The following ZRANB3 variants were observed in gnomAD, a reference collection of about 807,000 sequenced individuals.
ZRANB3 encodes zinc finger RANBP2-type containing 3, also known as DNA annealing helicase and endonuclease ZRANB3.
ZRANB3 carries 125 observed loss-of-function variants against 133.8 expected under a neutral mutation model. The observed-to-expected ratio is 0.93, with a 90% CI of 0.81 to 1.08. The LOEUF is 1.08. Among genes scored for constraint, ZRANB3 ranks in the 50% least tolerant of loss-of-function variants. The probability of loss-of-function intolerance (pLI) is 0.00; values close to 1 mark genes in which losing one functional copy is unlikely to be tolerated. For synonymous variants in ZRANB3, 387 were observed against 432.7 expected, an observed-to-expected ratio of 0.89 and a Z score of 1.31; for missense variants, 1,229 against 1,275.5, an observed-to-expected ratio of 0.96 and a Z score of 0.56.
intron 17 of ZRANB3, 87 bp downstream of exon 17, chr2:135,217,378 G>T: frequency 7.9e-7 from 1 of 1,266,148 alleles, no homozygotes; most frequent in Non-Finnish European, 1.1e-6. Flanking sequence ...GATTTCATTA[G>T]TGGTTCCAAA....
At chr2:135,418,923 C>CTTTTTTTTTTTTTT (rs1558986938) in intron 2 of ZRANB3, among the ~76,000 whole-genome samples, 1 of 114,326 alleles carries the variant, frequency 8.7e-6, no homozygotes, top group African/African-American at 3.6e-5. Flanking sequence ...TAAGGATTCT[C>CTTTTTTTTTTTTTT]TCTTTTTTTT....
At chr2:135,452,043 G>T (rs1300066645) in intron 2 of ZRANB3, among the ~76,000 whole-genome samples, 1 of 152,150 alleles carries the variant, frequency 6.6e-6, no homozygotes, top group Non-Finnish European at 1.5e-5. Flanking sequence ...CTGTATTCAT[G>T]CTGCTGATAA....
chr2:135,380,593 T>A (rs904155474), intron 3 of ZRANB3, among the ~76,000 whole-genome samples: 1 of 152,064 alleles, frequency 6.6e-6, no homozygotes, highest in African/African-American at 2.4e-5. Flanking sequence ...AAGGCAGAAA[T>A]AAAGATGTTA....
chr2:135,461,189 C>T (rs922586115), intron 2 of ZRANB3, among the ~76,000 whole-genome samples: 12 of 152,186 alleles, frequency 7.9e-5, no homozygotes, highest in African/African-American at 2.9e-4. Flanking sequence ...CTCATGTATA[C>T]ATTATTCACA....
chr2:135,230,122 C>A (rs1694929524), intron 13 of ZRANB3, among the ~76,000 whole-genome samples: 1 of 152,034 alleles, frequency 6.6e-6, no homozygotes, highest in South Asian at 2.1e-4. Flanking sequence ...TAAAAATAAT[C>A]CACAATTTCC....
At chr2:135,253,204 A>T (rs1054906015) in intron 12 of ZRANB3, among the ~76,000 whole-genome samples, 1 of 152,228 alleles carries the variant, frequency 6.6e-6, no homozygotes, top group Non-Finnish European at 1.5e-5. Flanking sequence ...GTCAGCACAG[A>T]TCTAGCGGCA....
At chr2:135,351,762 T>C (rs540794414) in intron 4 of ZRANB3, among the ~76,000 whole-genome samples, 27 of 152,262 alleles carry the variant, frequency 1.8e-4, no homozygotes, top group Admixed American at 1.6e-3. Context: ...GTATATGTAT[T>C]TGTGGTGGAC....
intron 1 of ZRANB3, among the ~76,000 whole-genome samples, chr2:135,505,073 T>A (rs1421125730): frequency 1.3e-5 from 2 of 152,156 alleles, no homozygotes; most frequent in Non-Finnish European, 2.9e-5. Context: ...GTATAGCACT[T>A]TGCCTGATTA....
At chr2:135,531,058 A>T (rs1694577177) in intron 1 of ZRANB3, 69 bp downstream of exon 1, 1 of 152,264 alleles carries the variant, frequency 6.6e-6, no homozygotes, top group African/African-American at 2.4e-5. Flanking sequence ...CACATGGAGG[A>T]TAATTTTCCT....
intron 2 of ZRANB3, among the ~76,000 whole-genome samples, chr2:135,397,682 A>G (rs1289120371): frequency 6.6e-6 from 1 of 152,214 alleles, no homozygotes; most frequent in Non-Finnish European, 1.5e-5. Context: ...TACTAAAAGT[A>G]ACCATTGTTT....
intron 8 of ZRANB3, among the ~76,000 whole-genome samples, chr2:135,311,504 C>T (rs1682971696): frequency 6.6e-6 from 1 of 151,358 alleles, no homozygotes; most frequent in Admixed American, 6.6e-5. Flanking sequence ...AAGGCCTGTA[C>T]ATGAATGATT....
chr2:135,202,923 C>G lies in ZRANB3; in HGVS notation c.3050G>C (p.Trp1017Ser), dbSNP rs770074349. The change falls in exon 20 of 21, where the codon TGG becomes TCG. Residue 1017 changes from tryptophan to serine, a missense_variant. Coordinates refer to ENST00000264159, the MANE Select transcript of ZRANB3 (RefSeq NM_032143.4). ...MIRNPGEGHF[W>S]QVDHIKPVYG... is the part of the protein sequence containing the mutation. Reference sequence around the variant, plus strand: ...CACTGGCTTGATGTGATCCACCTGCCAGAAATGTCCTTCCCCTGGGTTTCT... The same window carrying G: ...CACTGGCTTGATGTGATCCACCTGCGAGAAATGTCCTTCCCCTGGGTTTCT... The G allele has an allele frequency of 2.7e-5, 44 of 1,612,644 alleles. No individual in the cohort carries two copies. Among genetic ancestry groups the G allele is most frequent in the Non-Finnish European group, 3.6e-5 (43 of 1,179,462 alleles).
At chr2:135,335,212 A>T (rs1684315668) in intron 6 of ZRANB3, among the ~76,000 whole-genome samples, 1 of 152,148 alleles carries the variant, frequency 6.6e-6, no homozygotes, top group Non-Finnish European at 1.5e-5. Context: ...AATTCTCCTT[A>T]GAGGTGGAAA....
chr2:135,511,812 T>C lies in ZRANB3; in HGVS notation c.-7-7316A>G. 6.6e-6 allele frequency: 5 copies of C among 760,994 alleles called. No individual in the cohort carries two copies. The South Asian group carries it at 6.7e-5, about 10-fold the overall frequency. The allele number at this position is 760,994 out of a possible 1,614,324, so 47.1% of individuals were successfully genotyped here. A position where few individuals can be genotyped will look rare whatever the true frequency, so the allele number is the denominator to read the frequency against. ...CTGCTAGCTTTCTATTTGAATCCAATCCCCCATGGACATAAGAAGAGTTCC... is the reference window on the plus strand; with the variant it reads ...CTGCTAGCTTTCTATTTGAATCCAACCCCCCATGGACATAAGAAGAGTTCC... On this transcript the variant is annotated intron_variant, in intron 1 of 20. Coordinates refer to ENST00000264159, the MANE Select transcript of ZRANB3 (RefSeq NM_032143.4).
intron 3 of ZRANB3, among the ~76,000 whole-genome samples, chr2:135,389,333 C>A (rs766064213): frequency 9.9e-5 from 15 of 152,146 alleles, no homozygotes; most frequent in Non-Finnish European, 2.2e-4. Flanking sequence ...GAACTATGAA[C>A]CCCTATATCA....
At chr2:135,373,380 T>G (rs1686270103) in intron 3 of ZRANB3, among the ~76,000 whole-genome samples, 2 of 152,054 alleles carry the variant, frequency 1.3e-5, no homozygotes, top group Admixed American at 6.6e-5. Context: ...GGTAGTGATA[T>G]CTGAAGAATG....
chr2:135,449,167 C>G (rs1182687148), intron 2 of ZRANB3, among the ~76,000 whole-genome samples: 2 of 152,072 alleles, frequency 1.3e-5, no homozygotes, highest in East Asian at 3.9e-4. Flanking sequence ...TCCATAGCAC[C>G]AGGTGAGATT....
intron 2 of ZRANB3, among the ~76,000 whole-genome samples, chr2:135,445,923 G>A (rs1221281154): frequency 6.7e-6 from 1 of 148,494 alleles, no homozygotes; most frequent in Non-Finnish European, 1.5e-5. Flanking sequence ...TGCATGACAC[G>A]GCCTGGTGCA....
At chr2:135,260,417 T>C (rs1679899442) in intron 12 of ZRANB3, among the ~76,000 whole-genome samples, 2 of 152,128 alleles carry the variant, frequency 1.3e-5, no homozygotes, top group Admixed American at 6.6e-5. Flanking sequence ...TTCTTTTCAC[T>C]TGAGTTGGAC....
Sources: allele counts gnomAD v4.1 joint callset (sites outside exome capture counted in the v4.1 genomes callset), GRCh38; gene constraint gnomAD v4.1.1; transcripts MANE v1.5; gene names NCBI Gene and HGNC (gene_info 2026-07-23, HGNC 2026-07-21).